The following SRCIN1 variants were observed in gnomAD, a reference collection of about 807,000 sequenced individuals.
SRCIN1 encodes P130Cas-associated protein.
Under a neutral mutation model 116.2 loss-of-function variants are expected in SRCIN1, and 50 were observed. The ratio of observed to expected loss-of-function variants is 0.43; its 90% CI spans 0.34 to 0.54. The LOEUF is 0.54. SRCIN1 is among the 20% of genes least tolerant of loss of function. The pLI, the probability that SRCIN1 is intolerant of heterozygous loss-of-function variation, is 0.02. For missense variants in SRCIN1, 1,446 were observed against 1,672.0 expected, an observed-to-expected ratio of 0.86 and a Z score of 2.36; for synonymous variants, 736 against 750.0, an observed-to-expected ratio of 0.98 and a Z score of 0.30.
intron 18 of SRCIN1, among the ~76,000 whole-genome samples, chr17:38,537,543 G>A (rs1291689896): frequency 6.6e-6 from 1 of 152,132 alleles, no homozygotes; most frequent in Non-Finnish European, 1.5e-5. Context: ...TGTAATCCCA[G>A]CACTTTGGGA....
At chr17:38,578,875 G>T in intron 1 of SRCIN1, 84 bp from the exon 2 acceptor site, 1 of 1,408,292 alleles carries the variant, frequency 7.1e-7, no homozygotes, top group Non-Finnish European at 9.3e-7. Flanking sequence ...CCTGCGGGAA[G>T]GGGCGGGGCC....
At chr17:38,598,386 G>A (rs908413091) in intron 1 of SRCIN1, among the ~76,000 whole-genome samples, 6 of 152,228 alleles carry the variant, frequency 3.9e-5, no homozygotes, top group African/African-American at 1.4e-4. Flanking sequence ...TGTCTGCTGC[G>A]TATGCAATTA....
chr17:38,597,442 AGAGGAAGAG>A (rs1200330049), intron 1 of SRCIN1, among the ~76,000 whole-genome samples: 8 of 152,242 alleles, frequency 5.3e-5, no homozygotes, highest in African/African-American at 1.9e-4. Flanking sequence ...TCAGTCAGAC[AGAGGAAGAG>A]GAGGAAGATA....
At chr17:38,601,783 GC>G (rs1437996974) in intron 1 of SRCIN1, among the ~76,000 whole-genome samples, 1 of 151,994 alleles carries the variant, frequency 6.6e-6, no homozygotes, top group African/African-American at 2.4e-5. Flanking sequence ...CCACTTCCCC[GC>G]CCCCAGCTTG....
intron 1 of SRCIN1, among the ~76,000 whole-genome samples, chr17:38,601,638 G>GCACACACGCA (rs1555613400): frequency 7.3e-6 from 1 of 137,664 alleles, no homozygotes; most frequent in East Asian, 2.0e-4. Flanking sequence ...ACACACACAC[G>GCACACACGCA]CACACACACA....
At chr17:38,599,595 G>A (rs1241600234) in intron 1 of SRCIN1, among the ~76,000 whole-genome samples, 2 of 152,218 alleles carry the variant, frequency 1.3e-5, no homozygotes, top group Non-Finnish European at 2.9e-5. Flanking sequence ...CACGCTGGGA[G>A]GTTTATCTTC....
rs568888365 is a variant in SRCIN1, at chr17:38,551,897, C to T, written c.2716G>A (p.Val906Met). 2.2e-5 allele frequency: 36 copies of T among 1,613,978 alleles called. No homozygotes were observed. In the South Asian group the frequency reaches 3.7e-4, roughly 17 times the overall value. Residue 906 changes from valine to methionine, a missense_variant, in exon 14 of 19, where the codon GTG becomes ATG. Physicochemically the swap from Val to Met is conservative, Grantham distance 21. Around this residue, in one of 5 missense-constraint regions of SRCIN1, gnomAD observed 531 missense variants for 633.9 expected, o/e 0.84. Transcript: ENST00000617146. Reference sequence around the variant, plus strand: ...CCTGGCCCCAGCACCTCAACAGACACAGCTTTGTCCACGCTTCTCTTGCCA... The same window carrying T: ...CCTGGCCCCAGCACCTCAACAGACATAGCTTTGTCCACGCTTCTCTTGCCA... ...TPGKRSVDKA[V>M]SVEAAERDWE...
chr17:38,581,022 A>G (rs987944174), intron 1 of SRCIN1, among the ~76,000 whole-genome samples: 3 of 151,806 alleles, frequency 2.0e-5, no homozygotes, highest in Non-Finnish European at 2.9e-5. Context: ...TTTTTTAGAG[A>G]TGGGGTCTTG....
rs546399743 is a variant in SRCIN1 at position 38,540,249 on chromosome 17, G to T, written c.3417+3574C>A. ...GTCACTTCCTCTGACTACTCTGTGG[G>T]GTCAGGCACTGCTGCAAGGCACCTC... On this transcript the variant is annotated intron_variant, in intron 18 of 18. Coordinates refer to ENST00000617146, the MANE Select transcript of SRCIN1 (RefSeq NM_025248.3). 7.3e-4 allele frequency among the ~76,000 whole-genome samples: 111 copies of T among 152,142 alleles called. 1 individual carries two copies. The highest frequency in any genetic ancestry group is 2.6e-3 in the African/African-American group (109 of 41,478).
At chr17:38,547,249 G>A (rs144821953) in intron 17 of SRCIN1, among the ~76,000 whole-genome samples, 10 of 152,098 alleles carry the variant, frequency 6.6e-5, no homozygotes, top group South Asian at 2.1e-4. Flanking sequence ...GGCCCCCAGC[G>A]CAAGGCATAG....
chr17:38,599,044 T>C (rs1908876075), intron 1 of SRCIN1, among the ~76,000 whole-genome samples: 1 of 152,070 alleles, frequency 6.6e-6, no homozygotes, highest in East Asian at 1.9e-4. Context: ...AATATTCTCT[T>C]GGGCCAAATC....
chr17:38,551,544 G>T, intron 14 of SRCIN1, 155 bp from the exon 15 acceptor site: 1 of 687,580 alleles, frequency 1.5e-6, no homozygotes, highest in Non-Finnish European at 2.4e-6. Context: ...CTTCTCGTGG[G>T]TATCACATGG....
At chr17:38,534,298 CG>C (rs534197706) in intron 18 of SRCIN1, among the ~76,000 whole-genome samples, 9 of 152,308 alleles carry the variant, frequency 5.9e-5, no homozygotes, top group Non-Finnish European at 1.2e-4. Flanking sequence ...TGGCATGCAT[CG>C]TGAATGCAGA....
rs1052010730 is a variant in SRCIN1, at chr17:38,568,670, T to C, written c.325-439A>G. On this transcript the variant is annotated intron_variant, in intron 2 of 18. Transcript: ENST00000617146. This position sits in a 1 kb window ranked among gnomAD's most constrained non-coding sequence, Gnocchi z 4.5. ...AGAGGCCTGCTGGGCAGAGGGGAAGTGCCCAGGGGCAGACAAGTGGAGGGG... is the reference window on the plus strand; with the variant it reads ...AGAGGCCTGCTGGGCAGAGGGGAAGCGCCCAGGGGCAGACAAGTGGAGGGG... 1.3e-5 allele frequency among the ~76,000 whole-genome samples: 2 copies of C among 151,820 alleles called. No homozygotes were observed. The highest frequency in any genetic ancestry group is 2.4e-5 in the African/African-American group (1 of 41,302).
intron 1 of SRCIN1, among the ~76,000 whole-genome samples, chr17:38,594,180 A>G (rs1908589380): frequency 6.6e-6 from 1 of 152,128 alleles, no homozygotes; most frequent in South Asian, 2.1e-4. Context: ...GGGGTAACTC[A>G]CGCGAGCAAG....
chr17:38,564,111 G>A lies in SRCIN1; in HGVS notation c.541+7C>T. The A allele has an allele frequency of 6.3e-7, 1 of 1,593,216 alleles. No homozygotes were observed. Among genetic ancestry groups the A allele is most frequent in the Non-Finnish European group, 8.5e-7 (1 of 1,171,174 alleles). On this transcript the variant is annotated splice_region_variant and intron_variant, in intron 4 of 18. Coordinates refer to ENST00000617146, the MANE Select transcript of SRCIN1 (RefSeq NM_025248.3). ...TGGGGAGGGAGGGTGGACTGGGCGGGCAGTACCTGGGGAGCGCAGCTTGGT... is the reference window on the plus strand; with the variant it reads ...TGGGGAGGGAGGGTGGACTGGGCGGACAGTACCTGGGGAGCGCAGCTTGGT...
chr17:38,572,444 G>C lies in SRCIN1; in HGVS notation c.325-4213C>G, dbSNP rs1452011118. On this transcript the variant is annotated intron_variant, in intron 2 of 18. Coordinates refer to ENST00000617146, the MANE Select transcript of SRCIN1 (RefSeq NM_025248.3). The surrounding 1 kb of genome is among the most constrained non-coding windows in gnomAD (Gnocchi z 4.3). The stretch of plus-strand genomic sequence containing the variant: ...ATGACTTTCCGACGCTGGGGGAGGG[G>C]GCGCCAGCCTGATTTTGGAGTGGGG... 1.3e-5 allele frequency among the ~76,000 whole-genome samples: 2 copies of C among 152,180 alleles called. No individual in the cohort carries two copies.
intron 1 of SRCIN1, among the ~76,000 whole-genome samples, chr17:38,586,195 G>A (rs939162655): frequency 3.3e-5 from 5 of 152,206 alleles, no homozygotes; most frequent in Admixed American, 3.3e-4. Context: ...CAGGCAAGTT[G>A]TCTTCAAGGA....
intron 2 of SRCIN1, among the ~76,000 whole-genome samples, chr17:38,576,819 TC>T (rs1453663753): frequency 6.6e-6 from 1 of 151,936 alleles, no homozygotes; most frequent in African/African-American, 2.4e-5. Flanking sequence ...CCAACCCCCA[TC>T]CATCCATCCT....
Sources: gnomAD v4.1 joint callset for allele counts (sites outside exome capture counted in the v4.1 genomes callset) on GRCh38, gnomAD v4.1.1 for gene constraint, gnomAD v4.1.1 regional missense constraint, Gnocchi (gnomAD v3.1) non-coding constraint, MANE v1.5 for transcripts, NCBI Gene and HGNC (gene_info 2026-07-23, HGNC 2026-07-21) for gene names.